The following SGCD variants were observed in gnomAD, a reference collection of about 807,000 sequenced individuals.
The protein encoded by SGCD is delta-sarcoglycan.
SGCD carries 18 observed loss-of-function variants against 36.6 expected under a neutral mutation model. The observed-to-expected ratio is 0.49, with a 90% CI of 0.34 to 0.73. The LOEUF is 0.73. Among genes scored for constraint, SGCD ranks in the 30% least tolerant of loss-of-function variants. SGCD has a pLI of 0.01. For missense variants in SGCD, 387 were observed against 346.7 expected (o/e 1.12, Z -0.92); for synonymous variants, 133 against 130.6 (o/e 1.02, Z -0.12).
At chr5:156,248,631 C>T (rs1016268244) in intron 3 of SGCD, among the ~76,000 whole-genome samples, 1 of 152,116 alleles carries the variant, frequency 6.6e-6, no homozygotes, top group Admixed American at 6.6e-5. Context: ...CGCTGGGCTT[C>T]GTAGGATAAT....
At chr5:155,763,881 CTCTT>C in the SGCD span, among the ~76,000 whole-genome samples, 1 of 147,086 alleles carries the variant, frequency 6.8e-6, no homozygotes, top group Non-Finnish European at 1.5e-5. Context: ...CTCTCTCTCT[CTCTT>C]TCTCCTGTGC....
chr5:156,617,493 G>A (rs1762062040), intron 6 of SGCD, among the ~76,000 whole-genome samples: 1 of 152,152 alleles, frequency 6.6e-6, no homozygotes, highest in African/African-American at 2.4e-5. Flanking sequence ...GAAATTTATA[G>A]GAGCAATGGC....
intron 1 of SGCD, among the ~76,000 whole-genome samples, chr5:156,099,768 G>A (rs1031837313): frequency 1.3e-5 from 2 of 151,828 alleles, no homozygotes; most frequent in Non-Finnish European, 2.9e-5. Flanking sequence ...TAGATTCTCA[G>A]TAAAAACTTA....
chr5:155,884,857 C>T (rs1425753515), intron 1 of SGCD, among the ~76,000 whole-genome samples: 1 of 119,154 alleles, frequency 8.4e-6, no homozygotes, highest in Non-Finnish European at 1.6e-5. Flanking sequence ...ACAAACAACG[C>T]AGTACCTGAC....
chr5:156,709,279 G>A (rs2113749641), intron 7 of SGCD, among the ~76,000 whole-genome samples: 1 of 152,324 alleles, frequency 6.6e-6, no homozygotes, highest in South Asian at 2.1e-4. Flanking sequence ...TTTCCACTGT[G>A]AGCACAGAAG....
intron 6 of SGCD, among the ~76,000 whole-genome samples, chr5:156,599,207 C>T (rs1212977233): frequency 1.3e-5 from 2 of 152,082 alleles, no homozygotes; most frequent in African/African-American, 4.8e-5. Context: ...AGAAGTTTGT[C>T]TTTTTGAGTC....
intron 3 of SGCD, among the ~76,000 whole-genome samples, chr5:156,482,813 G>GT (rs3074979): frequency 0.07 from 5,858 of 83,106 alleles, 732 homozygotes; most frequent in African/African-American, 0.22. Context: ...CTTTTGGTCA[G>GT]TTTTTTTTTT....
intron 3 of SGCD, among the ~76,000 whole-genome samples, chr5:156,366,832 C>T (rs1281542708): frequency 6.6e-6 from 1 of 152,146 alleles, no homozygotes; most frequent in South Asian, 2.1e-4. Flanking sequence ...CAAACAAAGT[C>T]ATGCCTATCA....
chr5:156,678,956 A>C (rs1354389668), intron 7 of SGCD, among the ~76,000 whole-genome samples: 1 of 152,108 alleles, frequency 6.6e-6, no homozygotes, highest in Non-Finnish European at 1.5e-5. Context: ...TGGGCAAATC[A>C]ATGTTTTTTT....
chr5:156,169,391 CA>C (rs2063631882), intron 3 of SGCD, among the ~76,000 whole-genome samples: 1 of 152,166 alleles, frequency 6.6e-6, no homozygotes, highest in Admixed American at 6.5e-5. Flanking sequence ...AGAAAGACAA[CA>C]TTTTTTATTG....
At chr5:156,415,166 A>G (rs1227925606) in intron 3 of SGCD, among the ~76,000 whole-genome samples, 2 of 152,166 alleles carry the variant, frequency 1.3e-5, no homozygotes, top group African/African-American at 4.8e-5. Context: ...GTATTCTAGA[A>G]GAAGATGAAT....
chr5:155,741,125 A>G, the SGCD span, among the ~76,000 whole-genome samples: 4 of 152,174 alleles, frequency 2.6e-5, no homozygotes, highest in African/African-American at 9.6e-5. Context: ...CTGATTGGCA[A>G]TTGGTTGAAA....
intron 3 of SGCD, among the ~76,000 whole-genome samples, chr5:156,311,317 A>T (rs897314908): frequency 6.6e-6 from 1 of 152,132 alleles, no homozygotes; most frequent in Non-Finnish European, 1.5e-5. Context: ...TGTCACCATG[A>T]GATAGTGTGG....
intron 3 of SGCD, among the ~76,000 whole-genome samples, chr5:156,288,614 T>C (rs187734034): frequency 1.3e-5 from 2 of 152,308 alleles, no homozygotes; most frequent in East Asian, 3.9e-4. Flanking sequence ...AGTGTGTTAG[T>C]GGTTTCATGG....
At chr5:156,562,284 T>A (rs1185006454) in intron 4 of SGCD, among the ~76,000 whole-genome samples, 2 of 152,084 alleles carry the variant, frequency 1.3e-5, no homozygotes, top group Non-Finnish European at 2.9e-5. Flanking sequence ...CGGGTGAGTT[T>A]GGGGAAGGTT....
intron 1 of SGCD, among the ~76,000 whole-genome samples, chr5:156,113,597 T>C (rs148610904): frequency 6.6e-6 from 1 of 152,208 alleles, no homozygotes; most frequent in Non-Finnish European, 1.5e-5. Context: ...AGAAGACAGT[T>C]TGGCAGTTTC....
chr5:155,889,966 G>A (rs1018671302), intron 1 of SGCD, among the ~76,000 whole-genome samples: 3 of 152,174 alleles, frequency 2.0e-5, no homozygotes, highest in African/African-American at 4.8e-5. Context: ...TCAGCAGAGT[G>A]GGAACAAATG....
intron 6 of SGCD, among the ~76,000 whole-genome samples, chr5:156,604,766 T>TATACATATATACACATTTTATATGTATAA (rs1252380439): frequency 1.3e-5 from 2 of 148,456 alleles, no homozygotes; most frequent in Non-Finnish European, 3.0e-5. Context: ...TATATGTATA[T>TATACATATATACACATTTTATATGTATAA]ATACATATAT....
chr5:155,872,708 C>G (rs1265249534), intron 1 of SGCD, among the ~76,000 whole-genome samples: 2 of 151,998 alleles, frequency 1.3e-5, no homozygotes, highest in Non-Finnish European at 2.9e-5. Context: ...AGATGCTGTA[C>G]CAAGGGAATT....
Sources: gnomAD v4.1 joint callset for allele counts (sites outside exome capture counted in the v4.1 genomes callset) on GRCh38, gnomAD v4.1.1 for gene constraint, MANE v1.5 for transcripts, NCBI Gene and HGNC (gene_info 2026-07-23, HGNC 2026-07-21) for gene names.